The following GALNT17 variants were observed in gnomAD, a reference collection of about 807,000 sequenced individuals.
GALNT17 encodes UDP-GalNAc:polypeptide N-acetylgalactosaminyltransferase-like 3.
A neutral mutation model predicts 63.7 loss-of-function variants in GALNT17; 29 were observed. The observed-to-expected ratio is 0.46, with a 90% confidence interval of 0.34 to 0.62. The LOEUF (loss-of-function observed/expected upper bound fraction) is 0.62. Ranked by LOEUF, GALNT17 falls within the 20% of genes least tolerant of loss-of-function variation. The pLI, the probability that GALNT17 is intolerant of heterozygous loss-of-function variation, is 0.01. For missense variants in GALNT17, 603 were observed against 799.6 expected (o/e 0.75, Z 2.97); for synonymous variants, 305 against 318.3 (o/e 0.96, Z 0.45).
intron 3 of GALNT17, among the ~76,000 whole-genome samples, chr7:71,399,792 A>G (rs1033474484): frequency 6.6e-6 from 1 of 152,072 alleles, no homozygotes; most frequent in Non-Finnish European, 1.5e-5. Flanking sequence ...ACTGAATTTT[A>G]TTAATCTTTG....
At chr7:71,168,007 A>G (rs1201868833) in intron 1 of GALNT17, among the ~76,000 whole-genome samples, 1 of 152,218 alleles carries the variant, frequency 6.6e-6, no homozygotes, top group African/African-American at 2.4e-5. Flanking sequence ...TTTTACATTT[A>G]TAACTGTGAT....
At chr7:71,681,849 T>G (rs1265991539) in intron 9 of GALNT17, among the ~76,000 whole-genome samples, 1 of 152,180 alleles carries the variant, frequency 6.6e-6, no homozygotes, top group East Asian at 1.9e-4. Context: ...AGCTTCCCCA[T>G]GTGGCTCTAA....
chr7:71,344,623 T>C (rs552329780), intron 2 of GALNT17, among the ~76,000 whole-genome samples: 38 of 152,248 alleles, frequency 2.5e-4, no homozygotes, highest in African/African-American at 9.1e-4. Context: ...TGGAGGCTGG[T>C]AGCAGGATGG....
intron 5 of GALNT17, among the ~76,000 whole-genome samples, chr7:71,504,013 G>C (rs1788225045): frequency 6.6e-6 from 1 of 152,072 alleles, no homozygotes; most frequent in African/African-American, 2.4e-5. Flanking sequence ...CGGATCATGA[G>C]GTTAGGAGAT....
intron 1 of GALNT17, among the ~76,000 whole-genome samples, chr7:71,175,412 C>G (rs1788619961): frequency 1.3e-5 from 2 of 152,168 alleles, no homozygotes; most frequent in African/African-American, 4.8e-5. Context: ...TATTCTCTAT[C>G]TGTATCATCT....
chr7:71,412,542 T>A (rs564378464), intron 3 of GALNT17, among the ~76,000 whole-genome samples: 61 of 152,252 alleles, frequency 4.0e-4, no homozygotes, highest in African/African-American at 1.4e-3. Context: ...CCGGCTAGTT[T>A]TTGTATTTTT....
intron 5 of GALNT17, among the ~76,000 whole-genome samples, chr7:71,532,007 G>A (rs1486980480): frequency 6.6e-6 from 1 of 152,156 alleles, no homozygotes. Flanking sequence ...CCACCAAGGG[G>A]TGTTAATGGC....
intron 6 of GALNT17, among the ~76,000 whole-genome samples, chr7:71,591,483 G>C (rs2116916886): frequency 6.6e-6 from 1 of 152,330 alleles, no homozygotes; most frequent in Middle Eastern, 3.4e-3. Flanking sequence ...GATGTGCTCA[G>C]CCTTCCAGGA....
intron 1 of GALNT17, among the ~76,000 whole-genome samples, chr7:71,153,959 A>G (rs1021301620): frequency 2.0e-5 from 3 of 151,754 alleles, no homozygotes; most frequent in Admixed American, 6.6e-5. Flanking sequence ...AAAAATAAAA[A>G]TGTATCTGCA....
At chr7:71,578,033 AT>A (rs1015649245) in intron 6 of GALNT17, among the ~76,000 whole-genome samples, 6 of 149,602 alleles carry the variant, frequency 4.0e-5, no homozygotes, top group African/African-American at 1.2e-4. Context: ...TTATTTATTT[AT>A]TTATTTATTT....
intron 1 of GALNT17, among the ~76,000 whole-genome samples, chr7:71,195,388 A>C (rs973932862): frequency 7.4e-5 from 11 of 149,414 alleles, no homozygotes; most frequent in Admixed American, 7.3e-4. Flanking sequence ...TAATATTTTC[A>C]ATTTTTTTGT....
At chr7:71,357,376 C>A (rs2707435) in intron 2 of GALNT17, among the ~76,000 whole-genome samples, 4,774 of 152,224 alleles carry the variant, frequency 0.031, 247 homozygotes, top group African/African-American at 0.11. Flanking sequence ...TAATACCTTA[C>A]GATCTGAGGT....
rs183985385 is a variant in GALNT17 at position 71,266,912 on chromosome 7, C to T, written c.239-68638C>T. ...AATTTAGTAAAGGAGGCTGAAGACC[C>T]AGGAGGCATTGAGACTGACTCTGAG... On this transcript the variant is annotated intron_variant, in intron 1 of 10. Transcript: ENST00000333538. 1.9e-4 allele frequency among the ~76,000 whole-genome samples: 29 copies of T among 152,250 alleles called. No individual in the cohort carries two copies. The East Asian group carries it at 4.8e-3, about 25-fold the overall frequency.
intron 5 of GALNT17, among the ~76,000 whole-genome samples, chr7:71,468,999 T>G (rs2116607434): frequency 6.6e-6 from 1 of 152,258 alleles, no homozygotes; most frequent in Admixed American, 6.5e-5. Flanking sequence ...CTTAAACTGA[T>G]GAGCTCACAA....
At chr7:71,228,993 C>T (rs1349468208) in intron 1 of GALNT17, among the ~76,000 whole-genome samples, 1 of 152,148 alleles carries the variant, frequency 6.6e-6, no homozygotes, top group Non-Finnish European at 1.5e-5. Flanking sequence ...ATGCCTGGAT[C>T]ATCCAGGGCT....
At chr7:71,452,659 A>C (rs1787284862) in intron 5 of GALNT17, among the ~76,000 whole-genome samples, 1 of 152,188 alleles carries the variant, frequency 6.6e-6, no homozygotes. Context: ...TATGCATTTA[A>C]AAAAATCATT....
At chr7:71,482,031 C>A (rs1223557039) in intron 5 of GALNT17, among the ~76,000 whole-genome samples, 1 of 148,918 alleles carries the variant, frequency 6.7e-6, no homozygotes, top group Non-Finnish European at 1.5e-5. Context: ...TGCAAAAAGT[C>A]ATAAAAGTGA....
At chr7:71,481,007 C>T (rs1787808470) in intron 5 of GALNT17, among the ~76,000 whole-genome samples, 1 of 152,210 alleles carries the variant, frequency 6.6e-6, no homozygotes, top group Non-Finnish European at 1.5e-5. Flanking sequence ...GACAAACAGA[C>T]CACATCCTGC....
chr7:71,698,138 A>AG lies in GALNT17; in HGVS notation c.1501-12623_1501-12622insG, dbSNP rs1554326187. ...GACTCTGTCTCAAAAAAAAAAAAAA[A>AG]AAAGAAAAGAAAAGAAAGAAAGTGG... On this transcript the variant is annotated intron_variant, in intron 9 of 10. Transcript: ENST00000333538. Among the ~76,000 whole-genome samples, 33 of 149,934 alleles carry AG rather than the reference A, an allele frequency of 2.2e-4. 1 individual carries two copies. The East Asian group carries it at 4.2e-3, about 19-fold the overall frequency.
Sources: gnomAD v4.1 joint callset for allele counts (sites outside exome capture counted in the v4.1 genomes callset) on GRCh38, gnomAD v4.1.1 for gene constraint, MANE v1.5 for transcripts, NCBI Gene and HGNC (gene_info 2026-07-23, HGNC 2026-07-21) for gene names.